The following WIPI2 variants were observed in gnomAD, a reference collection of about 807,000 sequenced individuals.
WIPI2 encodes the protein WD repeat domain, phosphoinositide interacting 2.
WIPI2 carries 28 observed loss-of-function variants against 52.3 expected under a neutral mutation model. That is an observed-to-expected ratio of 0.54 (90% CI 0.40 to 0.73). The LOEUF (loss-of-function observed/expected upper bound fraction) is 0.73. Among genes scored for constraint, WIPI2 ranks in the 30% least tolerant of loss-of-function variants. The probability of loss-of-function intolerance (pLI) is 0.00; values close to 1 mark genes in which losing one functional copy is unlikely to be tolerated. For missense variants in WIPI2, 506 were observed against 602.9 expected, an observed-to-expected ratio of 0.84 and a Z score of 1.68; for synonymous variants, 268 against 245.0, an observed-to-expected ratio of 1.09 and a Z score of -0.88.
chr7:5,190,830 C>T (rs895875316), intron 1 of WIPI2: 25 of 213,330 alleles, frequency 1.2e-4, no homozygotes, highest in Non-Finnish European at 1.9e-4. Flanking sequence ...TCTTGGCCGC[C>T]TGTGGAGCGC....
intron 6 of WIPI2, chr7:5,217,460 A>C: frequency 2.3e-6 from 1 of 438,996 alleles, no homozygotes; most frequent in South Asian, 2.2e-5. Context: ...CACCACACCC[A>C]GCTAATTTTT....
chr7:5,190,306 C>A lies in WIPI2; in HGVS notation c.-114C>A. ...GAGGCGGCGGTTGATCCCAGGGTGG[C>A]GAGTGGCGGCGACCGAGGCGGCGAG... On this transcript the variant is annotated 5_prime_UTR_variant, in exon 1 of 13. Coordinates refer to ENST00000288828, the MANE Select transcript of WIPI2 (RefSeq NM_015610.4). 1.7e-6 allele frequency: 1 copy of A among 592,934 alleles called. No individual in the cohort carries two copies. Among genetic ancestry groups the A allele is most frequent in the Non-Finnish European group, 2.4e-6 (1 of 417,810 alleles). 36.7% of individuals were successfully genotyped at this position (592,934 alleles called of 1,614,324 possible). A position where few individuals can be genotyped will look rare whatever the true frequency, so the allele number is the denominator to read the frequency against.
chr7:5,215,621 C>G (rs1304159314), intron 4 of WIPI2, among the ~76,000 whole-genome samples: 2 of 152,216 alleles, frequency 1.3e-5, no homozygotes, highest in Non-Finnish European at 2.9e-5. Flanking sequence ...GTAGCTGCAC[C>G]CTGAGATACA....
At chr7:5,223,009 A>G (rs925363986) in intron 8 of WIPI2, among the ~76,000 whole-genome samples, 3 of 152,158 alleles carry the variant, frequency 2.0e-5, no homozygotes, top group African/African-American at 7.2e-5. Context: ...CTCCCCTTTA[A>G]AGGCCACGCT....
chr7:5,191,062 C>G (rs937255424), intron 1 of WIPI2, among the ~76,000 whole-genome samples: 12 of 152,154 alleles, frequency 7.9e-5, no homozygotes, highest in African/African-American at 2.2e-4. Context: ...CTCTGTTGCC[C>G]AGGCTGGAGT....
intron 8 of WIPI2, among the ~76,000 whole-genome samples, chr7:5,223,142 C>T (rs972939501): frequency 6.6e-6 from 1 of 152,228 alleles, no homozygotes; most frequent in Non-Finnish European, 1.5e-5. Context: ...GGCTGCAAAG[C>T]TTCCCTCATC....
At chr7:5,205,662 G>A (rs888891630) in intron 3 of WIPI2, among the ~76,000 whole-genome samples, 1 of 151,980 alleles carries the variant, frequency 6.6e-6, no homozygotes, top group Non-Finnish European at 1.5e-5. Flanking sequence ...GTGTCACCAC[G>A]CTCAGCTAAT....
At chr7:5,224,380 C>G (rs1783315976) in intron 8 of WIPI2, among the ~76,000 whole-genome samples, 1 of 152,230 alleles carries the variant, frequency 6.6e-6, no homozygotes, top group Non-Finnish European at 1.5e-5. Flanking sequence ...ATTCCTTTGC[C>G]TGTGGCAAAT....
intron 8 of WIPI2, among the ~76,000 whole-genome samples, chr7:5,225,351 C>G (rs541068576): frequency 1.6e-3 from 242 of 152,150 alleles, no homozygotes; most frequent in Non-Finnish European, 2.7e-3. Flanking sequence ...CCATGTTGGC[C>G]AGGATGGTCT....
chr7:5,219,655 A>G (rs934044250), intron 7 of WIPI2, among the ~76,000 whole-genome samples: 1 of 152,096 alleles, frequency 6.6e-6, no homozygotes, highest in Non-Finnish European at 1.5e-5. Flanking sequence ...TTAGTATTGC[A>G]CGGTAGACGT....
rs530745122 is a variant in WIPI2, at chr7:5,221,062, C to T, written c.670-1540C>T. Among the ~76,000 whole-genome samples, 5 of 149,352 alleles carry T rather than the reference C, an allele frequency of 3.3e-5. No individual in the cohort carries two copies. The South Asian group carries it at 1.1e-3, about 32-fold the overall frequency. On this transcript the variant is annotated intron_variant, in intron 7 of 12. Coordinates refer to ENST00000288828, the MANE Select transcript of WIPI2 (RefSeq NM_015610.4). ...CACTGCAACCTCCGCCTCCTGGGTTCAAGCGATTCTCCTGCCTCAGCCTCC... is the reference window on the plus strand; with the variant it reads ...CACTGCAACCTCCGCCTCCTGGGTTTAAGCGATTCTCCTGCCTCAGCCTCC...
intron 8 of WIPI2, among the ~76,000 whole-genome samples, chr7:5,224,675 T>C (rs1019129548): frequency 1.3e-5 from 2 of 152,132 alleles, no homozygotes; most frequent in Non-Finnish European, 2.9e-5. Flanking sequence ...AGTTCCTGGC[T>C]GGGGGCCACA....
At chr7:5,203,350 C>T (rs867418907) in intron 3 of WIPI2, among the ~76,000 whole-genome samples, 1 of 152,216 alleles carries the variant, frequency 6.6e-6, no homozygotes, top group Middle Eastern at 3.2e-3. Flanking sequence ...GGCGGAGCCG[C>T]AGACACACAC....
chr7:5,228,319 G>A (rs1783546038), intron 11 of WIPI2, 108 bp downstream of exon 11: 14 of 1,038,490 alleles, frequency 1.3e-5, no homozygotes, highest in Non-Finnish European at 1.8e-5. Flanking sequence ...ACATAGAGGG[G>A]CAGATTCCAG....
At chr7:5,207,591 C>T (rs1052516629) in intron 3 of WIPI2, among the ~76,000 whole-genome samples, 1 of 152,028 alleles carries the variant, frequency 6.6e-6, no homozygotes. Flanking sequence ...TGAACATTCT[C>T]GTACAAGTCT....
At chr7:5,205,854 TTC>T (rs987120378) in intron 3 of WIPI2, among the ~76,000 whole-genome samples, 45 of 150,080 alleles carry the variant, frequency 3.0e-4, no homozygotes, top group African/African-American at 1.0e-3. Context: ...TTTTTTTTTT[TTC>T]CCCCATGCAG....
intron 11 of WIPI2, 55 bp from the exon 12 acceptor site, chr7:5,229,528 GCCGCAGGGCAGCCAGTGTGTACTGC>G: frequency 5.3e-6 from 8 of 1,518,974 alleles, no homozygotes; most frequent in Non-Finnish European, 6.2e-6. Flanking sequence ...TGGCTCTGTT[GCCGCAGGGCAGCCAGTGTGTACTGC>G]CCGCAGGGCT....
chr7:5,222,228 C>T (rs1783178541), intron 7 of WIPI2, among the ~76,000 whole-genome samples: 1 of 152,320 alleles, frequency 6.6e-6, no homozygotes, highest in East Asian at 1.9e-4. Flanking sequence ...GGATTACAGG[C>T]GTGAGCCACC....
At chr7:5,224,831 C>G (rs1210740430) in intron 8 of WIPI2, among the ~76,000 whole-genome samples, 4 of 152,152 alleles carry the variant, frequency 2.6e-5, no homozygotes, top group Admixed American at 6.6e-5. Context: ...AGATGACAAG[C>G]AAGATGGAGT....
Sources: allele counts gnomAD v4.1 joint callset (sites outside exome capture counted in the v4.1 genomes callset), GRCh38; gene constraint gnomAD v4.1.1; transcripts MANE v1.5; gene names NCBI Gene and HGNC (gene_info 2026-07-23, HGNC 2026-07-21).